SLC4A10: variants seen among roughly 807,000 people sequenced by gnomAD.
The protein encoded by SLC4A10 is sodium-driven chloride bicarbonate exchanger.
SLC4A10 carries 42 observed loss-of-function variants against 137.7 expected under a neutral mutation model. The observed-to-expected ratio is 0.30, with a 90% CI of 0.24 to 0.39. The LOEUF (loss-of-function observed/expected upper bound fraction) is 0.39. Ranked by LOEUF, SLC4A10 falls within the 10% of genes least tolerant of loss-of-function variation. SLC4A10 has a pLI of 1.00. For synonymous variants in SLC4A10, 474 were observed against 464.1 expected (o/e 1.02, Z -0.27); for missense variants, 925 against 1,355.0 (o/e 0.68, Z 4.98).
At chr2:161,973,634 T>C (rs191156179) in intron 23 of SLC4A10, among the ~76,000 whole-genome samples, 1 of 152,292 alleles carries the variant, frequency 6.6e-6, no homozygotes, top group East Asian at 1.9e-4. Flanking sequence ...CAGGAAGATA[T>C]TAATATCTTC....
At chr2:161,719,745 G>C (rs2045407965) in intron 1 of SLC4A10, among the ~76,000 whole-genome samples, 2 of 150,604 alleles carry the variant, frequency 1.3e-5, no homozygotes, top group African/African-American at 4.8e-5. Flanking sequence ...TTTTTGATGG[G>C]GTTGTTTTTT....
At chr2:161,951,180 A>G (rs979151677) in intron 19 of SLC4A10, among the ~76,000 whole-genome samples, 2 of 152,176 alleles carry the variant, frequency 1.3e-5, no homozygotes, top group Admixed American at 6.5e-5. Context: ...CTTGTCTTAC[A>G]TCTGAGATTC....
chr2:161,671,933 G>T (rs1450801061), intron 1 of SLC4A10, among the ~76,000 whole-genome samples: 2 of 152,160 alleles, frequency 1.3e-5, no homozygotes, highest in Non-Finnish European at 2.9e-5. Flanking sequence ...ATGTGTTTTG[G>T]TGATGAGAGG....
intron 5 of SLC4A10, 136 bp from the exon 6 acceptor site, chr2:161,862,738 A>AT (rs924956356): frequency 8.6e-5 from 55 of 640,984 alleles, no homozygotes; most frequent in Middle Eastern, 8.3e-4. Context: ...ATGCTTAGAG[A>AT]TTTTTTAAAG....
chr2:161,721,437 C>T (rs2045660134), intron 1 of SLC4A10, among the ~76,000 whole-genome samples: 1 of 152,194 alleles, frequency 6.6e-6, no homozygotes, highest in Non-Finnish European at 1.5e-5. Context: ...TTCTCCTTCA[C>T]TTATGAAGCG....
At chr2:161,735,422 T>C (rs1012766887) in intron 1 of SLC4A10, among the ~76,000 whole-genome samples, 2 of 152,192 alleles carry the variant, frequency 1.3e-5, no homozygotes, top group African/African-American at 4.8e-5. Context: ...TTTTTACTTA[T>C]AAATGACTCA....
At chr2:161,793,715 A>G (rs944983723) in intron 2 of SLC4A10, among the ~76,000 whole-genome samples, 1 of 152,192 alleles carries the variant, frequency 6.6e-6, no homozygotes, top group Admixed American at 6.5e-5. Context: ...TGCTGGTACA[A>G]TAAGCTTTTG....
chr2:161,840,906 C>T (rs563450169), intron 4 of SLC4A10, among the ~76,000 whole-genome samples: 47 of 152,160 alleles, frequency 3.1e-4, no homozygotes, highest in Middle Eastern at 3.4e-3. Context: ...ATCTAAACCA[C>T]GAGGTGAAAG....
chr2:161,841,128 A>T (rs1401685245), intron 4 of SLC4A10, among the ~76,000 whole-genome samples: 1 of 152,048 alleles, frequency 6.6e-6, no homozygotes, highest in Non-Finnish European at 1.5e-5. Flanking sequence ...CCCAGGGTGG[A>T]GTGCAGTGAC....
chr2:161,874,371 A>C (rs2061335922), intron 8 of SLC4A10, among the ~76,000 whole-genome samples: 1 of 152,208 alleles, frequency 6.6e-6, no homozygotes, highest in Non-Finnish European at 1.5e-5. Context: ...TTTAAAAATA[A>C]TATAACCTTT....
chr2:161,641,644 G>A (rs1339109336), intron 1 of SLC4A10, among the ~76,000 whole-genome samples: 9 of 151,886 alleles, frequency 5.9e-5, no homozygotes, highest in Admixed American at 2.0e-4. Flanking sequence ...CATTATAATT[G>A]GTTATCATGA....
intron 10 of SLC4A10, among the ~76,000 whole-genome samples, chr2:161,891,400 G>C (rs1243610722): frequency 6.6e-6 from 1 of 152,002 alleles, no homozygotes; most frequent in Non-Finnish European, 1.5e-5. Context: ...TTTCCAACTT[G>C]GTCCTATTCT....
chr2:161,708,830 G>A (rs1158318231), intron 1 of SLC4A10: 1 of 1,529,966 alleles, frequency 6.5e-7, no homozygotes, highest in Non-Finnish European at 8.7e-7. Flanking sequence ...AAGTCATCAG[G>A]TATGACCTCA....
At chr2:161,900,645 G>A (rs976426993) in intron 11 of SLC4A10, among the ~76,000 whole-genome samples, 1 of 151,976 alleles carries the variant, frequency 6.6e-6, no homozygotes, top group African/African-American at 2.4e-5. Context: ...TTAGTTGAAA[G>A]AATAAATAAG....
chr2:161,701,864 C>T (rs1189098107), intron 1 of SLC4A10, among the ~76,000 whole-genome samples: 3 of 151,734 alleles, frequency 2.0e-5, no homozygotes, highest in East Asian at 1.9e-4. Context: ...TACCATTTCA[C>T]CTCAGTTAAA....
At chr2:161,745,529 A>T (rs2048305302) in intron 1 of SLC4A10, among the ~76,000 whole-genome samples, 1 of 151,994 alleles carries the variant, frequency 6.6e-6, no homozygotes, top group Non-Finnish European at 1.5e-5. Flanking sequence ...CTGTCTGAAG[A>T]GTCATATATC....
At chr2:161,967,137 T>A (rs1023575042) in intron 23 of SLC4A10, among the ~76,000 whole-genome samples, 7 of 151,724 alleles carry the variant, frequency 4.6e-5, no homozygotes, top group Admixed American at 2.0e-4. Context: ...CTGTAGGGAG[T>A]TTGCACATTC....
intron 15 of SLC4A10, among the ~76,000 whole-genome samples, chr2:161,933,909 C>T (rs1226073137): frequency 1.3e-5 from 2 of 152,122 alleles, no homozygotes; most frequent in Non-Finnish European, 1.5e-5. Flanking sequence ...GTACTGTTTT[C>T]CATATGGCTG....
At chr2:161,702,566 A>T (rs932703617) in intron 1 of SLC4A10, among the ~76,000 whole-genome samples, 1 of 151,792 alleles carries the variant, frequency 6.6e-6, no homozygotes, top group African/African-American at 2.4e-5. Context: ...GGTATATCTG[A>T]TAGTCATTTG....
Sources: gnomAD v4.1 joint callset for allele counts (sites outside exome capture counted in the v4.1 genomes callset) on GRCh38, gnomAD v4.1.1 for gene constraint, MANE v1.5 for transcripts, NCBI Gene and HGNC (gene_info 2026-07-23, HGNC 2026-07-21) for gene names.